Variants in SELP observed in about 807,000 individuals in gnomAD.
The protein encoded by SELP is selectin P.
Under a neutral mutation model 104.1 loss-of-function variants are expected in SELP, and 92 were observed. That is an observed-to-expected ratio of 0.88 (90% CI 0.75 to 1.05). The LOEUF (loss-of-function observed/expected upper bound fraction) is 1.05. SELP is among the 50% of genes least tolerant of loss of function. The pLI, the probability that SELP is intolerant of heterozygous loss-of-function variation, is 0.00. For synonymous variants in SELP, 397 were observed against 364.5 expected (o/e 1.09, Z -1.01); for missense variants, 1,022 against 1,017.3 (o/e 1.00, Z -0.06).
In SELP at chr1:169,596,037, A is replaced by G; in HGVS notation, c.1989T>C (p.Gly663=). ...AGCCAAAGTAACAAGTGGTATTAAA[A>G]CCAAAGGTTCCCGGATGATGCCTAC... ...MYCRHHPGTF[G]FNTTCYFGCN... The change falls in exon 12 of 17, where the codon GGT becomes GGC. Residue 663 remains glycine (G), a synonymous_variant. Transcript: ENST00000263686. 6.2e-7 allele frequency: 1 copy of G among 1,613,912 alleles called. No homozygotes were observed. The highest frequency in any genetic ancestry group is 8.5e-7 in the Non-Finnish European group (1 of 1,179,846).
intron 10 of SELP, among the ~76,000 whole-genome samples, chr1:169,600,166 ACT>A (rs1289251207): frequency 6.6e-6 from 1 of 151,720 alleles, no homozygotes; most frequent in African/African-American, 2.4e-5. Context: ...AAAATAACCG[ACT>A]CTCTGTATCC....
chr1:169,627,256 G>C (rs1037074327), intron 1 of SELP, among the ~76,000 whole-genome samples: 2 of 152,198 alleles, frequency 1.3e-5, no homozygotes, highest in Non-Finnish European at 2.9e-5. Context: ...ACAGATATTG[G>C]TAGCCCAGCT....
At chr1:169,604,254 G>C (rs1662068593) in intron 9 of SELP, among the ~76,000 whole-genome samples, 1 of 151,982 alleles carries the variant, frequency 6.6e-6, no homozygotes, top group South Asian at 2.1e-4. Context: ...GTCTTCTTTT[G>C]AGAAGTGTCT....
chr1:169,607,001 C>A lies in SELP; in HGVS notation c.1467G>T (p.Val489=). The change falls in exon 9 of 17, where the codon GTG becomes GTT. Residue 489 remains valine (V), a synonymous_variant. Coordinates refer to ENST00000263686, the MANE Select transcript of SELP (RefSeq NM_003005.4). The stretch of plus-strand genomic sequence containing the variant: ...AGTTTCCAGTAGCCAAGCACTGTAG[C>A]ACACTTGCTCCCACCAGGAGCAAGC... ...NEGLLLVGAS[V]LQCLATGNWN... is the part of the protein sequence containing the mutation. 1 of 1,613,852 alleles carries A rather than the reference C, an allele frequency of 6.2e-7. No individual in the cohort carries two copies. Among genetic ancestry groups the A allele is most frequent in the Non-Finnish European group, 8.5e-7 (1 of 1,179,854 alleles).
intron 9 of SELP, 98 bp from the exon 10 acceptor site, chr1:169,603,309 G>C (rs3981193): frequency 0.17 from 28,258 of 164,408 alleles, 1,848 homozygotes; most frequent in East Asian, 0.77. Flanking sequence ...CTCTCTCTCT[G>C]TGTGTGTGTG....
At chr1:169,597,511 A>T (rs1315158660) in intron 10 of SELP, among the ~76,000 whole-genome samples, 2 of 152,070 alleles carry the variant, frequency 1.3e-5, no homozygotes, top group African/African-American at 4.8e-5. Context: ...AGCTCCCTCT[A>T]TCTTACTTGA....
chr1:169,602,131 T>C (rs1024354181), intron 10 of SELP, among the ~76,000 whole-genome samples: 1 of 152,162 alleles, frequency 6.6e-6, no homozygotes, highest in Non-Finnish European at 1.5e-5. Flanking sequence ...TTGAGTAAAT[T>C]TTACTGGTAA....
intron 14 of SELP, 41 bp from the exon 15 acceptor site, chr1:169,591,497 A>C (rs763866812): frequency 1.3e-6 from 2 of 1,485,018 alleles, no homozygotes; most frequent in Non-Finnish European, 1.8e-6. Flanking sequence ...ATTAAAAAAA[A>C]AAAACAAGAT....
chr1:169,615,179 G>A (rs192201268), intron 3 of SELP, among the ~76,000 whole-genome samples: 3 of 152,286 alleles, frequency 2.0e-5, no homozygotes, highest in Non-Finnish European at 4.4e-5. Context: ...TTCCTGACAT[G>A]TGGAGAATTA....
At position 169,617,376 on chromosome 1, in the gene SELP, G is replaced by C. The variant is rs199892502; in HGVS notation, c.133C>G (p.His45Asp). 110 of 1,614,090 alleles carry C rather than the reference G, an allele frequency of 6.8e-5. No homozygotes were observed. In the East Asian group the frequency reaches 2.4e-3, roughly 35 times the overall value. The change falls in exon 3 of 17, where the codon CAT (histidine) becomes GAT (aspartate). Residue 45 changes from histidine to aspartate, a missense_variant. By Grantham distance (81) the His-to-Asp change is moderately conservative. Coordinates refer to ENST00000263686, the MANE Select transcript of SELP (RefSeq NM_003005.4). ...CATGAGTATGCTTTTGTGCTGTAAT[G>C]ATAAGTCCATGCTGCCACTTCTTTC... is the stretch of plus-strand genomic sequence containing the variant. ...NQKEVAAWTY[H>D]YSTKAYSWNI...
intron 3 of SELP, among the ~76,000 whole-genome samples, chr1:169,615,852 C>A (rs1662781691): frequency 6.6e-6 from 1 of 152,122 alleles, no homozygotes; most frequent in African/African-American, 2.4e-5. Context: ...CATACCTGTA[C>A]TGTTGAGGGC....
At chr1:169,612,582 T>G (rs1172070539) in intron 5 of SELP, among the ~76,000 whole-genome samples, 180 bp from the exon 6 acceptor site, 1 of 152,214 alleles carries the variant, frequency 6.6e-6, no homozygotes, top group Non-Finnish European at 1.5e-5. Context: ...TTGTTTTTCA[T>G]GTAGAGAAGT....
intron 15 of SELP, among the ~76,000 whole-genome samples, chr1:169,590,543 G>A (rs1007262478): frequency 6.6e-6 from 1 of 150,522 alleles, no homozygotes. Flanking sequence ...TTTTCAAAGG[G>A]TGCAATATGA....
intron 9 of SELP, among the ~76,000 whole-genome samples, chr1:169,605,690 A>T (rs1457137159): frequency 1.3e-5 from 2 of 152,206 alleles, no homozygotes; most frequent in Non-Finnish European, 2.9e-5. Context: ...ACATCATAAA[A>T]ATATTAATTG....
intron 11 of SELP, among the ~76,000 whole-genome samples, chr1:169,596,721 T>C (rs548818476): frequency 4.6e-5 from 7 of 152,304 alleles, no homozygotes; most frequent in African/African-American, 1.7e-4. Flanking sequence ...AATAAATTAA[T>C]GGAGACCATT....
chr1:169,595,977 A>C lies in SELP; in HGVS notation c.2049T>G (p.Thr683=). 1 of 1,613,848 alleles carries C rather than the reference A, an allele frequency of 6.2e-7. No individual in the cohort carries two copies. The highest frequency in any genetic ancestry group is 8.5e-7 in the Non-Finnish European group (1 of 1,179,842). The change falls in exon 12 of 17, where the codon ACT becomes ACG. Residue 683 remains threonine, a synonymous_variant. Coordinates refer to ENST00000263686, the MANE Select transcript of SELP (RefSeq NM_003005.4). ...NAGFTLIGDS[T]LSCRPSGQWT... is the part of the protein sequence containing the mutation. Reference sequence around the variant, plus strand: ...ATTGTCCTGAAGGTCTGCAGCTGAGAGTGCTGTCTCCTATGAGTGTGAATC... The same window carrying C: ...ATTGTCCTGAAGGTCTGCAGCTGAGCGTGCTGTCTCCTATGAGTGTGAATC...
intron 7 of SELP, 117 bp downstream of exon 7, chr1:169,611,375 G>T (rs931750296): frequency 3.0e-6 from 3 of 997,598 alleles, no homozygotes; most frequent in South Asian, 1.6e-5. Flanking sequence ...AGGTTGAAGA[G>T]CTTGCTCTAG....
rs758074767 is a variant in SELP, at chr1:169,603,076, A to G, written c.1655T>C (p.Leu552Ser). 2.4e-5 allele frequency: 39 copies of G among 1,614,084 alleles called. No homozygotes were observed. Among genetic ancestry groups the G allele is most frequent in the Non-Finnish European group, 3.3e-5 (39 of 1,179,990 alleles). Residue 552 changes from leucine to serine, a missense_variant, in exon 10 of 17, where the codon TTG becomes TCG. Coordinates refer to ENST00000263686, the MANE Select transcript of SELP (RefSeq NM_003005.4). Reference sequence around the variant, plus strand: ...CCAGCGTCCCGATCGAGTACAATCCAATCTTTCTGGTCCAGACAAAGAATA... The same window carrying G: ...CCAGCGTCCCGATCGAGTACAATCCGATCTTTCTGGTCCAGACAAAGAATA... Reference protein sequence around the residue: ...EGYSLSGPERLDCTRSGRWTD... With the variant: ...EGYSLSGPERSDCTRSGRWTD...
rs777057013 is a variant in SELP, at chr1:169,590,106, G to C, written c.*1+41C>G. On this transcript the variant is annotated intron_variant, in intron 16 of 16. Coordinates refer to ENST00000263686, the MANE Select transcript of SELP (RefSeq NM_003005.4). Reference sequence around the variant, plus strand: ...CTTTATAGTCTTCCATTTTTCCCTAGTGTTCTATTTCCTTCAAAAATATCT... The same window carrying C: ...CTTTATAGTCTTCCATTTTTCCCTACTGTTCTATTTCCTTCAAAAATATCT... The C allele has an allele frequency of 2.2e-6, 3 of 1,340,844 alleles. No individual in the cohort carries two copies. In the East Asian group the frequency reaches 6.9e-5, roughly 31 times the overall value. The allele number at this position is 1,340,844 out of a possible 1,614,324, so 83.1% of individuals were successfully genotyped here.
Sources: allele counts gnomAD v4.1 joint callset (sites outside exome capture counted in the v4.1 genomes callset), GRCh38; gene constraint gnomAD v4.1.1; transcripts MANE v1.5; gene names NCBI Gene and HGNC (gene_info 2026-07-23, HGNC 2026-07-21).